RIN3: variants seen among roughly 807,000 people sequenced by gnomAD.
RIN3 encodes Ras and Rab interactor 3, also known as RAB5 interacting protein 3.
In RIN3, 54 loss-of-function variants were observed where a neutral mutation model predicts 76.3. That is an observed-to-expected ratio of 0.71 (90% CI 0.57 to 0.89). The LOEUF (loss-of-function observed/expected upper bound fraction) is 0.89. Among genes scored for constraint, RIN3 ranks in the 40% least tolerant of loss-of-function variants. The pLI, the probability that RIN3 is intolerant of heterozygous loss-of-function variation, is 0.00. For missense variants in RIN3, 1,256 were observed against 1,322.1 expected, an observed-to-expected ratio of 0.95 and a Z score of 0.78; for synonymous variants, 576 against 564.0, an observed-to-expected ratio of 1.02 and a Z score of -0.30.
rs755403836 is a variant in RIN3, at chr14:92,652,235, T to C, written c.1186T>C (p.Ser396Pro). ...CAGACGCCGCGTTTCCGAGAGGGTGTCCTTAGAAGACCAAAGTCCGGGGAT... is the reference window on the plus strand; with the variant it reads ...CAGACGCCGCGTTTCCGAGAGGGTGCCCTTAGAAGACCAAAGTCCGGGGAT... ...PPRRRVSERV[S>P]LEDQSPGMAA... Residue 396 changes from serine (S) to proline (P), a missense_variant, in exon 6 of 10, where the codon TCC becomes CCC. Physicochemically the swap from Ser to Pro is moderately conservative, Grantham distance 74 (BLOSUM62 -1). Around this residue, in one of 3 missense-constraint regions of RIN3, gnomAD observed 610 missense variants for 626.4 expected, o/e 0.97. Coordinates refer to ENST00000216487, the MANE Select transcript of RIN3 (RefSeq NM_024832.5). The surrounding 1 kb of genome is among the most constrained non-coding windows in gnomAD (Gnocchi z 6.4). 1.2e-6 allele frequency: 2 copies of C among 1,610,018 alleles called. No homozygotes were observed. Among genetic ancestry groups the C allele is most frequent in the Non-Finnish European group, 1.7e-6 (2 of 1,177,586 alleles).
intron 1 of RIN3, among the ~76,000 whole-genome samples, chr14:92,547,999 T>C (rs2140026288): frequency 6.6e-6 from 1 of 152,322 alleles, no homozygotes; most frequent in Middle Eastern, 3.4e-3. Context: ...TCACCGCACC[T>C]GGCCTATTTA....
At chr14:92,664,359 TCTTTC>T (rs373224812) in intron 7 of RIN3, among the ~76,000 whole-genome samples, 9 of 101,460 alleles carry the variant, frequency 8.9e-5, no homozygotes, top group South Asian at 3.2e-4. Flanking sequence ...TTTCTTTCTT[TCTTTC>T]TTTTTTTTTT....
rs529248171 is a variant in RIN3 at position 92,553,819 on chromosome 14, T to C, written c.45-1932T>C. Among the ~76,000 whole-genome samples the C allele has an allele frequency of 7.2e-5, 11 of 152,134 alleles. No homozygotes were observed. In the South Asian group the frequency reaches 2.3e-3, roughly 32 times the overall value. On this transcript the variant is annotated intron_variant, in intron 1 of 9. Coordinates refer to ENST00000216487, the MANE Select transcript of RIN3 (RefSeq NM_024832.5). ...TTCTCTCGAAAACCACTGCTCAAAATTCACAACACTGCTGCCCCTGTTTAA... is the reference window on the plus strand; with the variant it reads ...TTCTCTCGAAAACCACTGCTCAAAACTCACAACACTGCTGCCCCTGTTTAA...
In RIN3 at chr14:92,567,543, C is replaced by T. The variant is rs1218727843; in HGVS notation, c.250-9817C>T. Among the ~76,000 whole-genome samples the T allele has an allele frequency of 2.0e-5, 3 of 151,920 alleles. 1 individual carries two copies. The highest frequency in any genetic ancestry group is 1.5e-5 in the Non-Finnish European group (1 of 68,020). ...GGCTAGCTCAGGCTTCTTTACATGA[C>T]AGCATAGTCCAAAGGGTGACATGGA... On this transcript the variant is annotated intron_variant, in intron 2 of 9. Transcript: ENST00000216487.
intron 9 of RIN3, chr14:92,686,988 A>G (rs1888882178): frequency 9.2e-5 from 14 of 152,244 alleles, no homozygotes; most frequent in Admixed American, 9.2e-4. Flanking sequence ...CCTAGCCACC[A>G]GTTGCCATCA....
At chr14:92,524,048 G>C (rs535045247) in intron 1 of RIN3, among the ~76,000 whole-genome samples, 1 of 152,142 alleles carries the variant, frequency 6.6e-6, no homozygotes, top group South Asian at 2.1e-4. Context: ...TTATAAATGA[G>C]CTGGGCATGG....
intron 3 of RIN3, among the ~76,000 whole-genome samples, chr14:92,603,764 T>G (rs1387950141): frequency 2.6e-5 from 4 of 152,194 alleles, no homozygotes; most frequent in Non-Finnish European, 5.9e-5. Flanking sequence ...CTGGCAGCCC[T>G]GGTCTGGCAG....
rs1461986249 is a variant in RIN3, at chr14:92,561,042, A to ATATATATATATATATATATAT, written c.249+5087_249+5088insTATATATATATATATATATAT. Among the ~76,000 whole-genome samples the ATATATATATATATATATATAT allele has an allele frequency of 4.0e-3, 77 of 19,334 alleles. 6 individuals carry two copies. The highest frequency in any genetic ancestry group is 0.011 in the South Asian group (4 of 356). 12.7% of individuals were successfully genotyped at this position (19,334 alleles called of 152,430 possible). A position where few individuals can be genotyped will look rare whatever the true frequency, so the allele number is the denominator to read the frequency against. Reference sequence around the variant, plus strand: ...GTCTAAAAAAAAAAAAAAAAAAAAAAAAATATATATATATCTGCCATATAT... The same window carrying ATATATATATATATATATATAT: ...GTCTAAAAAAAAAAAAAAAAAAAAAATATATATATATATATATATATAAATATATATATATCTGCCATATAT... On this transcript the variant is annotated intron_variant, in intron 2 of 9. Coordinates refer to ENST00000216487, the MANE Select transcript of RIN3 (RefSeq NM_024832.5).
intron 7 of RIN3, among the ~76,000 whole-genome samples, chr14:92,664,361 T>C (rs920018621): frequency 3.1e-4 from 35 of 111,552 alleles, no homozygotes; most frequent in Non-Finnish European, 9.2e-5. Flanking sequence ...TCTTTCTTTC[T>C]TTCTTTTTTT....
At chr14:92,639,558 G>A (rs765519976) in intron 4 of RIN3, among the ~76,000 whole-genome samples, 5 of 152,142 alleles carry the variant, frequency 3.3e-5, no homozygotes, top group South Asian at 2.1e-4. Flanking sequence ...ACACAGAATC[G>A]GGACCACCCA....
chr14:92,536,775 G>T lies in RIN3; in HGVS notation c.45-18976G>T, dbSNP rs113108291. Among the ~76,000 whole-genome samples the T allele has an allele frequency of 8.6e-5, 13 of 151,044 alleles. 1 individual carries two copies. The highest frequency in any genetic ancestry group is 2.9e-4 in the African/African-American group (12 of 41,182). On this transcript the variant is annotated intron_variant, in intron 1 of 9. Transcript: ENST00000216487. The stretch of plus-strand genomic sequence containing the variant: ...AAAAAAAAAAAAAGAAACTGCCGGG[G>T]TTCATATCCCAGCTCTGCCAGTTGC...
At chr14:92,535,063 G>A (rs748165010) in intron 1 of RIN3, among the ~76,000 whole-genome samples, 6 of 152,136 alleles carry the variant, frequency 3.9e-5, no homozygotes, top group Non-Finnish European at 8.8e-5. Context: ...AGCCTCCATC[G>A]TGACACCCAT....
At chr14:92,522,100 T>C (rs1338382883) in intron 1 of RIN3, among the ~76,000 whole-genome samples, 4 of 151,170 alleles carry the variant, frequency 2.6e-5, no homozygotes, top group Admixed American at 2.6e-4. Context: ...TGGCTATGGG[T>C]GGGCAAGTTT....
At chr14:92,628,210 C>T (rs1344246081) in intron 4 of RIN3, among the ~76,000 whole-genome samples, 1 of 152,182 alleles carries the variant, frequency 6.6e-6, no homozygotes, top group Non-Finnish European at 1.5e-5. Flanking sequence ...AACCAAAACC[C>T]TTTGAAGAGG....
intron 1 of RIN3, among the ~76,000 whole-genome samples, chr14:92,539,752 G>C (rs1197210084): frequency 9.9e-5 from 15 of 152,166 alleles, no homozygotes; most frequent in Non-Finnish European, 2.1e-4. Context: ...GGGAGGGAGG[G>C]TGGAGGAACT....
At chr14:92,665,539 C>T (rs961989761) in intron 7 of RIN3, among the ~76,000 whole-genome samples, 13 of 151,848 alleles carry the variant, frequency 8.6e-5, no homozygotes, top group South Asian at 2.1e-4. Context: ...CCACCATGCC[C>T]GGCTAATTTT....
chr14:92,652,953 C>T lies in RIN3; in HGVS notation c.1904C>T (p.Thr635Ile). 5.6e-6 allele frequency: 9 copies of T among 1,613,832 alleles called. No homozygotes were observed. Among genetic ancestry groups the T allele is most frequent in the Non-Finnish European group, 7.6e-6 (9 of 1,180,046 alleles). ...VYSLEMMARQ[T>I]SSTEMLQEIR... ...AGCCTGGAGATGATGGCGCGCCAGA[C>T]CTCCAGCACGGAGATGCTGCAGGAG... The change falls in exon 6 of 10, where the codon ACC becomes ATC. Residue 635 changes from threonine to isoleucine, a missense_variant. By Grantham distance (89) the Thr-to-Ile change is moderately conservative. Coordinates refer to ENST00000216487, the MANE Select transcript of RIN3 (RefSeq NM_024832.5). The surrounding 1 kb of genome is among the most constrained non-coding windows in gnomAD (Gnocchi z 6.4).
chr14:92,573,879 T>C (rs1296576745), intron 2 of RIN3, among the ~76,000 whole-genome samples: 1 of 152,176 alleles, frequency 6.6e-6, no homozygotes, highest in Non-Finnish European at 1.5e-5. Context: ...TTCAGGTGAA[T>C]GCACTAGTTC....
rs1481244953 is a variant in RIN3, at chr14:92,514,550, C to T, written c.44+574C>T. On this transcript the variant is annotated intron_variant, in intron 1 of 9. Coordinates refer to ENST00000216487, the MANE Select transcript of RIN3 (RefSeq NM_024832.5). This position sits in a 1 kb window ranked among gnomAD's most constrained non-coding sequence, Gnocchi z 7.2. The stretch of plus-strand genomic sequence containing the variant: ...TTTCCCGCCGCCCCTCTGCCCTGGC[C>T]GTAGACGGTGACCTTCGGACCGGCC... Among the ~76,000 whole-genome samples the T allele has an allele frequency of 6.6e-6, 1 of 152,250 alleles. No homozygotes were observed. The highest frequency in any genetic ancestry group is 6.5e-5 in the Admixed American group (1 of 15,292).
Sources: gnomAD v4.1 joint callset for allele counts (sites outside exome capture counted in the v4.1 genomes callset) on GRCh38, gnomAD v4.1.1 for gene constraint, gnomAD v4.1.1 regional missense constraint, Gnocchi (gnomAD v3.1) non-coding constraint, MANE v1.5 for transcripts, NCBI Gene and HGNC (gene_info 2026-07-23, HGNC 2026-07-21) for gene names.